The following POU6F2 variants were observed in gnomAD, a reference collection of about 807,000 sequenced individuals.
POU6F2 encodes the protein POU domain, class 6, transcription factor 2.
Under a neutral mutation model 71.3 loss-of-function variants are expected in POU6F2, and 31 were observed. The ratio of observed to expected loss-of-function variants is 0.43; its 90% CI spans 0.33 to 0.59. The LOEUF is 0.59. POU6F2 is among the 20% of genes least tolerant of loss of function. The pLI, the probability that POU6F2 is intolerant of heterozygous loss-of-function variation, is 0.04. For synonymous variants in POU6F2, 347 were observed against 355.7 expected, an observed-to-expected ratio of 0.98 and a Z score of 0.27; for missense variants, 783 against 856.8, an observed-to-expected ratio of 0.91 and a Z score of 1.07.
chr7:39,391,283 A>C (rs766097591), intron 5 of POU6F2, among the ~76,000 whole-genome samples: 2 of 151,928 alleles, frequency 1.3e-5, no homozygotes, highest in Non-Finnish European at 2.9e-5. Context: ...TTTTTACTTC[A>C]TTTTCTATTT....
chr7:39,460,695 C>T lies in POU6F2; in HGVS notation c.1638C>T (p.Tyr546=). ...TCAGTGCTACAGAGGGCCCCGCGTACAGCCAGTCGGCCATCTGCAGGTAAC... is the reference window on the plus strand; with the variant it reads ...TCAGTGCTACAGAGGGCCCCGCGTATAGCCAGTCGGCCATCTGCAGGTAAC... ...QALSATEGPA[Y]SQSAICRHTI... is the part of the protein sequence containing the mutation. Residue 546 remains tyrosine (Y), a synonymous_variant, in exon 9 of 10, where the codon TAC becomes TAT. Transcript: ENST00000518318. This position sits in a 1 kb window ranked among gnomAD's most constrained non-coding sequence, Gnocchi z 4.4. The T allele has an allele frequency of 6.2e-7, 1 of 1,603,952 alleles. No homozygotes were observed. Among genetic ancestry groups the T allele is most frequent in the African/African-American group, 1.3e-5 (1 of 74,810 alleles).
chr7:39,092,441 T>C (rs974923098), intron 2 of POU6F2, among the ~76,000 whole-genome samples: 12 of 152,356 alleles, frequency 7.9e-5, no homozygotes, highest in African/African-American at 1.4e-4. Context: ...ATTTCAAATG[T>C]CTTTTCTTTG....
chr7:38,980,224 C>T (rs1295394995), intron 1 of POU6F2, among the ~76,000 whole-genome samples: 1 of 152,074 alleles, frequency 6.6e-6, no homozygotes, highest in Non-Finnish European at 1.5e-5. Context: ...CCTCAAAATG[C>T]CAAGTCAGTA....
intron 2 of POU6F2, among the ~76,000 whole-genome samples, chr7:39,171,967 G>A (rs747420887): frequency 4.9e-4 from 74 of 152,168 alleles, no homozygotes; most frequent in Admixed American, 1.6e-3. Flanking sequence ...TTATTGGAGT[G>A]GGGGAGGAGA....
chr7:39,382,496 G>A (rs920444455), intron 5 of POU6F2, among the ~76,000 whole-genome samples: 1 of 152,208 alleles, frequency 6.6e-6, no homozygotes, highest in South Asian at 2.1e-4. Context: ...CCCCAGCCAC[G>A]GATCTCAGGG....
chr7:39,024,056 C>T (rs1225273923), intron 1 of POU6F2, among the ~76,000 whole-genome samples: 1 of 152,090 alleles, frequency 6.6e-6, no homozygotes, highest in East Asian at 1.9e-4. Context: ...TCATTGGTAG[C>T]TTGATGGGGA....
At chr7:39,428,957 C>T (rs555974526) in intron 6 of POU6F2, among the ~76,000 whole-genome samples, 262 of 106,748 alleles carry the variant, frequency 2.5e-3, no homozygotes, top group Non-Finnish European at 3.3e-3. Context: ...CACACCAGGG[C>T]CTGTCGTAGG....
intron 4 of POU6F2, among the ~76,000 whole-genome samples, chr7:39,241,373 A>T (rs1014561071): frequency 2.0e-5 from 3 of 152,206 alleles, no homozygotes; most frequent in Non-Finnish European, 4.4e-5. Flanking sequence ...TGGCATCAAG[A>T]TAAAAAGTCA....
At position 39,365,589 on chromosome 7, in the gene POU6F2, A is replaced by G. The variant is rs1344400992; in HGVS notation, c.972+25574A>G. 2.6e-5 allele frequency among the ~76,000 whole-genome samples: 4 copies of G among 152,344 alleles called. 1 individual carries two copies. The highest frequency in any genetic ancestry group is 3.9e-4 in the East Asian group (2 of 5,190). On this transcript the variant is annotated intron_variant, in intron 5 of 9. Coordinates refer to ENST00000518318, the MANE Select transcript of POU6F2 (RefSeq NM_001370959.1). The stretch of plus-strand genomic sequence containing the variant: ...GGCAAAAGGAACAATCATCAGAGTA[A>G]ACAGACAACCCAGAGAGTGGGAGAA...
intron 5 of POU6F2, among the ~76,000 whole-genome samples, chr7:39,357,066 T>C (rs966811295): frequency 3.9e-5 from 6 of 152,200 alleles, no homozygotes; most frequent in Non-Finnish European, 8.8e-5. Flanking sequence ...ATAGATCTGA[T>C]TGATCCGTGG....
At chr7:39,309,485 G>A (rs1785116016) in intron 4 of POU6F2, among the ~76,000 whole-genome samples, 1 of 152,234 alleles carries the variant, frequency 6.6e-6, no homozygotes, top group Non-Finnish European at 1.5e-5. Flanking sequence ...GGCTGGGACA[G>A]CCGATCCCCA....
intron 7 of POU6F2, among the ~76,000 whole-genome samples, chr7:39,437,160 C>T (rs1464957518): frequency 1.3e-5 from 2 of 152,170 alleles, no homozygotes; most frequent in African/African-American, 4.8e-5. Flanking sequence ...AGGAGTCCCT[C>T]CTTTTCAATT....
intron 1 of POU6F2, among the ~76,000 whole-genome samples, chr7:39,056,117 A>G (rs1254255105): frequency 6.6e-6 from 1 of 152,114 alleles, no homozygotes; most frequent in Admixed American, 6.5e-5. Context: ...TTATTTTCCC[A>G]TATAAAATAT....
At chr7:39,304,108 T>C (rs1433603983) in intron 4 of POU6F2, among the ~76,000 whole-genome samples, 1 of 152,162 alleles carries the variant, frequency 6.6e-6, no homozygotes, top group Non-Finnish European at 1.5e-5. Context: ...TTTTCAATGA[T>C]TTTATATGTA....
At chr7:39,371,484 T>C (rs1786609367) in intron 5 of POU6F2, among the ~76,000 whole-genome samples, 1 of 152,108 alleles carries the variant, frequency 6.6e-6, no homozygotes, top group Admixed American at 6.5e-5. Flanking sequence ...CGGCCGAGAA[T>C]GGTTCTTAAA....
At chr7:39,101,327 G>C (rs563721532) in intron 2 of POU6F2, among the ~76,000 whole-genome samples, 60 of 152,178 alleles carry the variant, frequency 3.9e-4, no homozygotes, top group African/African-American at 1.4e-3. Flanking sequence ...GTCCGCCTCA[G>C]CCTTCCCAAA....
At chr7:39,286,441 A>G (rs978036483) in intron 4 of POU6F2, among the ~76,000 whole-genome samples, 2 of 152,132 alleles carry the variant, frequency 1.3e-5, no homozygotes, top group African/African-American at 4.8e-5. Context: ...CTTACTGTCA[A>G]ATTAAGGGGC....
chr7:39,401,311 C>G (rs889145843), intron 5 of POU6F2, among the ~76,000 whole-genome samples: 1 of 152,180 alleles, frequency 6.6e-6, no homozygotes, highest in African/African-American at 2.4e-5. Context: ...GCCACCACTA[C>G]AGGGAAGGGT....
intron 1 of POU6F2, among the ~76,000 whole-genome samples, chr7:39,069,682 A>G (rs368805059): frequency 1.1e-4 from 16 of 152,326 alleles, no homozygotes; most frequent in African/African-American, 3.6e-4. Context: ...TGTATTATAT[A>G]CTGGATTATT....
Sources: gnomAD v4.1 joint callset for allele counts (sites outside exome capture counted in the v4.1 genomes callset) on GRCh38, gnomAD v4.1.1 for gene constraint, Gnocchi (gnomAD v3.1) non-coding constraint, MANE v1.5 for transcripts, NCBI Gene and HGNC (gene_info 2026-07-23, HGNC 2026-07-21) for gene names.